TP53I11: variants seen among roughly 807,000 people sequenced by gnomAD.
The protein encoded by TP53I11 is tumor protein p53 inducible protein 11, also known as tumor protein p53-inducible protein 11.
In TP53I11, 9 loss-of-function variants were observed where a neutral mutation model predicts 23.3. That is an observed-to-expected ratio of 0.39 (90% CI 0.23 to 0.67). The LOEUF is 0.67. Ranked by LOEUF, TP53I11 falls within the 30% of genes least tolerant of loss-of-function variation. The probability of loss-of-function intolerance (pLI) is 0.48; values close to 1 mark genes in which losing one functional copy is unlikely to be tolerated. For missense variants in TP53I11, 170 were observed against 255.2 expected, an observed-to-expected ratio of 0.67 and a Z score of 2.27; for synonymous variants, 100 against 106.1, an observed-to-expected ratio of 0.94 and a Z score of 0.35.
intron 1 of TP53I11, among the ~76,000 whole-genome samples, chr11:44,949,540 C>T (rs1351861930): frequency 2.0e-5 from 3 of 152,194 alleles, no homozygotes; most frequent in African/African-American, 7.2e-5. Context: ...GGCGGAGAAA[C>T]CCACTCCCCC....
At chr11:44,943,680 A>C (rs572475374) in intron 1 of TP53I11, among the ~76,000 whole-genome samples, 1 of 151,852 alleles carries the variant, frequency 6.6e-6, no homozygotes, top group Non-Finnish European at 1.5e-5. Flanking sequence ...CTGGGTCCTC[A>C]TCCTCCTCTG....
Position 44,933,628 on chromosome 11 carries a change from G to A in TP53I11, c.*1256C>T, listed in dbSNP as rs1348054649. ...AGCTGGGCGGTGGGTATGCAGCACA[G>A]GCTGGTGGGCCCTCAGAGGCAGGGC... On this transcript the variant is annotated 3_prime_UTR_variant, in exon 7 of 7. Coordinates refer to ENST00000525680, the MANE Select transcript of TP53I11 (RefSeq NM_006034.5). 6.5e-6 allele frequency: 1 copy of A among 154,732 alleles called. No homozygotes were observed. The highest frequency in any genetic ancestry group is 1.4e-5 in the Non-Finnish European group (1 of 69,614). 9.6% of individuals were successfully genotyped at this position (154,732 alleles called of 1,614,324 possible).
intron 5 of TP53I11, 124 bp from the exon 6 acceptor site, chr11:44,935,786 C>G (rs1861042406): frequency 3.0e-6 from 2 of 666,970 alleles, no homozygotes; most frequent in South Asian, 3.5e-5. Context: ...GGACTCCACG[C>G]CTCCGCCCCT....
intron 1 of TP53I11, among the ~76,000 whole-genome samples, chr11:44,939,555 G>T (rs1861543120): frequency 1.3e-5 from 2 of 152,238 alleles, no homozygotes; most frequent in African/African-American, 4.8e-5. Context: ...CCCAGCCAGG[G>T]CTGCCAGAGG....
chr11:44,939,989 G>C (rs1861597427), intron 1 of TP53I11, among the ~76,000 whole-genome samples: 1 of 152,214 alleles, frequency 6.6e-6, no homozygotes, highest in African/African-American at 2.4e-5. Flanking sequence ...AGGACAGGAG[G>C]CCAACCCTAC....
chr11:44,946,966 A>C lies in TP53I11; in HGVS notation c.-32+3711T>G, dbSNP rs1251278534. Reference sequence around the variant, plus strand: ...TTTTTGAAGGGGCCCAATTTCCAGAAAGGCAGAGGAAAGCCCAACCTTTCA... The same window carrying C: ...TTTTTGAAGGGGCCCAATTTCCAGACAGGCAGAGGAAAGCCCAACCTTTCA... On this transcript the variant is annotated intron_variant, in intron 1 of 6. Coordinates refer to ENST00000525680, the MANE Select transcript of TP53I11 (RefSeq NM_006034.5). 5 of 453,724 alleles carry C rather than the reference A, an allele frequency of 1.1e-5. No homozygotes were observed. In the Admixed American group the frequency reaches 1.2e-4, roughly 11 times the overall value. 28.1% of individuals were successfully genotyped at this position (453,724 alleles called of 1,614,324 possible).
chr11:44,942,914 G>A (rs1372027463), intron 1 of TP53I11, among the ~76,000 whole-genome samples: 2 of 152,112 alleles, frequency 1.3e-5, no homozygotes, highest in Admixed American at 6.5e-5. Context: ...ACACACCCCT[G>A]AGGTCTCCCC....
At chr11:44,950,520 G>A (rs555675128) in intron 1 of TP53I11, among the ~76,000 whole-genome samples, 157 bp downstream of exon 1, 1 of 151,988 alleles carries the variant, frequency 6.6e-6, no homozygotes, top group East Asian at 1.9e-4. Context: ...CGGGTGCCGA[G>A]ATGTCCCGGG....
intron 3 of TP53I11, 32 bp from the exon 4 acceptor site, chr11:44,937,384 G>A: frequency 2.0e-6 from 3 of 1,476,228 alleles, no homozygotes; most frequent in Non-Finnish European, 2.7e-6. Context: ...TCACAGCCCT[G>A]CCCCAGGGGA....
In TP53I11 at chr11:44,933,017, ACCACCT is replaced by A. The variant is rs1411241704; in HGVS notation, c.*1861_*1866del. 1.2e-5 allele frequency: 1 copy of A among 82,508 alleles called. No homozygotes were observed. The highest frequency in any genetic ancestry group is 1.3e-4 in the Admixed American group (1 of 7,530). 5.1% of individuals were successfully genotyped at this position (82,508 alleles called of 1,614,324 possible). A position where few individuals can be genotyped will look rare whatever the true frequency, so the allele number is the denominator to read the frequency against. On this transcript the variant is annotated 3_prime_UTR_variant, in exon 7 of 7. Transcript: ENST00000525680. ...CCTGAGGGCACTGCCCATTGGCGGC[ACCACCT>A]GTGGGCAGCAGCGGGAGGCAGTGGT... is the stretch of plus-strand genomic sequence containing the variant.
At chr11:44,942,234 A>G (rs1483235685) in intron 1 of TP53I11, among the ~76,000 whole-genome samples, 1 of 119,012 alleles carries the variant, frequency 8.4e-6, no homozygotes, top group Non-Finnish European at 1.9e-5. Context: ...CACACCTACC[A>G]CACACCACAC....
chr11:44,939,415 T>G (rs1001598870), intron 1 of TP53I11: 1 of 152,210 alleles, frequency 6.6e-6, no homozygotes, highest in Non-Finnish European at 1.5e-5. Flanking sequence ...CATTCCCACT[T>G]GCACCCACCC....
chr11:44,937,058 G>A (rs975167213), intron 4 of TP53I11, 159 bp from the exon 5 acceptor site: 8 of 733,078 alleles, frequency 1.1e-5, no homozygotes, highest in African/African-American at 3.6e-5. Context: ...CCGCCCCCAT[G>A]CCAGGACAGA....
At chr11:44,949,706 G>A (rs1001616284) in intron 1 of TP53I11, among the ~76,000 whole-genome samples, 2 of 152,176 alleles carry the variant, frequency 1.3e-5, no homozygotes, top group Non-Finnish European at 2.9e-5. Context: ...CCTCCCCCGG[G>A]TAGGTGCGAG....
chr11:44,947,370 G>A (rs907775735), intron 1 of TP53I11: 1 of 320,114 alleles, frequency 3.1e-6, no homozygotes, highest in Admixed American at 4.0e-5. Context: ...GGTCTGGTGA[G>A]AATGCAGCAG....
chr11:44,935,440 C>G, intron 6 of TP53I11, 121 bp downstream of exon 6: 1 of 876,640 alleles, frequency 1.1e-6, no homozygotes, highest in Non-Finnish European at 1.8e-6. Context: ...ATCCCTCTAT[C>G]CCCTCCCTAG....
chr11:44,938,509 G>T, intron 1 of TP53I11, 143 bp from the exon 2 acceptor site: 1 of 974,148 alleles, frequency 1.0e-6, no homozygotes, highest in Non-Finnish European at 1.4e-6. Context: ...GGGGAGTACA[G>T]CTGGCTTCCT....
At chr11:44,935,121 C>T in intron 6 of TP53I11, 104 bp from the exon 7 acceptor site, 1 of 1,541,390 alleles carries the variant, frequency 6.5e-7, no homozygotes, top group Non-Finnish European at 8.8e-7. Flanking sequence ...CCTGACTTTG[C>T]TCTGAGCCCA....
At chr11:44,946,091 T>G (rs894617254) in intron 1 of TP53I11, among the ~76,000 whole-genome samples, 13 of 152,172 alleles carry the variant, frequency 8.5e-5, no homozygotes, top group East Asian at 7.7e-4. Context: ...GAGCCTCCCT[T>G]CCTTCCACCG....
Sources: allele counts gnomAD v4.1 joint callset (sites outside exome capture counted in the v4.1 genomes callset), GRCh38; gene constraint gnomAD v4.1.1; transcripts MANE v1.5; gene names NCBI Gene and HGNC (gene_info 2026-07-23, HGNC 2026-07-21).